ARHGEF28: variants seen among roughly 807,000 people sequenced by gnomAD.
ARHGEF28 encodes the protein Rho guanine nucleotide exchange factor 28.
Under a neutral mutation model 206.6 loss-of-function variants are expected in ARHGEF28, and 152 were observed. That is an observed-to-expected ratio of 0.74 (90% CI 0.64 to 0.84). The LOEUF (loss-of-function observed/expected upper bound fraction) is 0.84. ARHGEF28 is among the 40% of genes least tolerant of loss of function. The pLI is 0.00. For missense variants in ARHGEF28, 2,028 were observed against 2,073.2 expected (o/e 0.98, Z 0.42); for synonymous variants, 763 against 776.4 (o/e 0.98, Z 0.29).
chr5:73,809,120 A>T (rs756187449), intron 9 of ARHGEF28, among the ~76,000 whole-genome samples: 2 of 151,940 alleles, frequency 1.3e-5, no homozygotes, highest in Non-Finnish European at 2.9e-5. Context: ...CAGGAGAATC[A>T]CTGGAGCCTG....
chr5:73,667,877 G>C (rs994866255), intron 1 of ARHGEF28, among the ~76,000 whole-genome samples: 1 of 152,122 alleles, frequency 6.6e-6, no homozygotes. Flanking sequence ...CTTCCACAAA[G>C]TCTTAAGACA....
intron 1 of ARHGEF28, among the ~76,000 whole-genome samples, chr5:73,640,871 A>G (rs1048145417): frequency 1.3e-5 from 2 of 152,242 alleles, no homozygotes; most frequent in Non-Finnish European, 2.9e-5. Flanking sequence ...TAGATTTACT[A>G]TTGCTGTAAA....
intron 26 of ARHGEF28, among the ~76,000 whole-genome samples, chr5:73,888,012 G>A (rs554735101): frequency 1.3e-5 from 2 of 152,256 alleles, no homozygotes; most frequent in African/African-American, 4.8e-5. Context: ...AGCTATCTTG[G>A]TCTTTCCTCC....
At chr5:73,874,358 T>C (rs1760299329) in intron 22 of ARHGEF28, among the ~76,000 whole-genome samples, 1 of 152,162 alleles carries the variant, frequency 6.6e-6, no homozygotes, top group Non-Finnish European at 1.5e-5. Context: ...GTCTAGTTTA[T>C]TTTTCCTTTT....
intron 22 of ARHGEF28, among the ~76,000 whole-genome samples, chr5:73,881,046 T>A (rs1407243967): frequency 6.6e-6 from 1 of 152,100 alleles, no homozygotes; most frequent in East Asian, 1.9e-4. Flanking sequence ...GGTTTTTTTT[T>A]TTTTTGTCTA....
At chr5:73,629,220 G>A (rs559624124) in intron 1 of ARHGEF28, among the ~76,000 whole-genome samples, 1 of 152,054 alleles carries the variant, frequency 6.6e-6, no homozygotes, top group African/African-American at 2.4e-5. Context: ...TGGCCAGGGT[G>A]GGGGTGGTGG....
At chr5:73,877,337 G>A (rs879692712) in intron 22 of ARHGEF28, among the ~76,000 whole-genome samples, 4,668 of 147,730 alleles carry the variant, frequency 0.032, 114 homozygotes, top group Non-Finnish European at 0.046. Context: ...TCTTGCTAGC[G>A]GTCTATCAAT....
chr5:73,653,415 G>A (rs1580444284), intron 1 of ARHGEF28, among the ~76,000 whole-genome samples: 1 of 152,290 alleles, frequency 6.6e-6, no homozygotes, highest in South Asian at 2.1e-4. Flanking sequence ...ATTAGGAAAA[G>A]CAGAAGTTTG....
At chr5:73,885,060 A>G (rs1313383131) in intron 24 of ARHGEF28, among the ~76,000 whole-genome samples, 1 of 152,174 alleles carries the variant, frequency 6.6e-6, no homozygotes, top group Non-Finnish European at 1.5e-5. Flanking sequence ...TATAATAGTA[A>G]TATATTCATA....
chr5:73,822,169 G>A (rs796692296), intron 9 of ARHGEF28, among the ~76,000 whole-genome samples: 11 of 150,984 alleles, frequency 7.3e-5, no homozygotes, highest in African/African-American at 1.2e-4. Context: ...GTGCTTTTCC[G>A]GGGGGAAGGA....
At chr5:73,655,466 A>G (rs1363973531) in intron 1 of ARHGEF28, among the ~76,000 whole-genome samples, 1 of 152,236 alleles carries the variant, frequency 6.6e-6, no homozygotes, top group African/African-American at 2.4e-5. Flanking sequence ...CATGCAAGAG[A>G]ACTCCTGGTA....
rs139882110 is a variant in ARHGEF28, at chr5:73,850,401, AT to A, written c.1747+1315del. On this transcript the variant is annotated intron_variant, in intron 13 of 35. Transcript: ENST00000513042. ...ACCTTGAGAGGGCAGGATAAATAAG[AT>A]GGATTGAATTTGTTCTGGATTTTTG... Among the ~76,000 whole-genome samples, 524 of 152,174 alleles carry A rather than the reference AT, an allele frequency of 3.4e-3. 4 individuals carry two copies. The highest frequency in any genetic ancestry group is 0.012 in the African/African-American group (516 of 41,550).
chr5:73,902,054 G>T (rs1762300662), intron 31 of ARHGEF28: 1 of 152,086 alleles, frequency 6.6e-6, no homozygotes, highest in Non-Finnish European at 1.5e-5. Context: ...GTGCCAATAT[G>T]TGTCAATGTG....
rs758699752 is a variant in ARHGEF28, at chr5:73,897,972, A to G, written c.3852A>G (p.Leu1284=). The part of the protein sequence containing the change: ...LAAALKEAES[L]QVAVKASQMG... ...TTTTCTCCATCTTAGCTGAGAGCCTACAAGTTGCAGTGAAGGCCTCACAGA... is the reference window on the plus strand; with the variant it reads ...TTTTCTCCATCTTAGCTGAGAGCCTGCAAGTTGCAGTGAAGGCCTCACAGA... Residue 1284 remains leucine (L), a synonymous_variant, in exon 30 of 36, where the codon CTA becomes CTG. Coordinates refer to ENST00000513042, the MANE Select transcript of ARHGEF28 (RefSeq NM_001177693.2). 40 of 1,580,354 alleles carry G rather than the reference A, an allele frequency of 2.5e-5. No homozygotes were observed. Among genetic ancestry groups the G allele is most frequent in the Middle Eastern group, 1.7e-4 (1 of 6,024 alleles).
intron 1 of ARHGEF28, chr5:73,627,049 G>T (rs1042578124): frequency 6.6e-6 from 1 of 152,158 alleles, no homozygotes; most frequent in Non-Finnish European, 1.5e-5. Flanking sequence ...GTGCTCAGGC[G>T]GCCCTGGATA....
chr5:73,836,262 A>C (rs1239944414), intron 10 of ARHGEF28, among the ~76,000 whole-genome samples: 1 of 149,216 alleles, frequency 6.7e-6, no homozygotes, highest in Non-Finnish European at 1.5e-5. Flanking sequence ...TTACATTCCC[A>C]ACAGTGTATA....
In ARHGEF28 at chr5:73,752,946, C is replaced by A. The variant is rs1466416854; in HGVS notation, c.219C>A (p.Cys73Ter). The change falls in exon 4 of 36, where the codon TGC becomes TGA. Residue 73 changes from cysteine to a stop codon, truncating the protein, a stop_gained. Transcript: ENST00000513042. LOFTEE classifies it high-confidence loss of function. Reference protein sequence around the residue: ...GLQETVTVSVCLCSEGYSPVT... With the variant: ...GLQETVTVSV Reference sequence around the variant, plus strand: ...AGGAGACGGTGACGGTATCTGTGTGCCTCTGCTCGGAAGGTTACTCTCCGG... The same window carrying A: ...AGGAGACGGTGACGGTATCTGTGTGACTCTGCTCGGAAGGTTACTCTCCGG... 1 of 1,613,844 alleles carries A rather than the reference C, an allele frequency of 6.2e-7. No individual in the cohort carries two copies. The highest frequency in any genetic ancestry group is 8.5e-7 in the Non-Finnish European group (1 of 1,179,844).
At chr5:73,656,655 C>T (rs778209130) in intron 1 of ARHGEF28, among the ~76,000 whole-genome samples, 1 of 152,168 alleles carries the variant, frequency 6.6e-6, no homozygotes, top group Non-Finnish European at 1.5e-5. Flanking sequence ...CTGCCTGTGA[C>T]TATTGTCAGA....
intron 2 of ARHGEF28, among the ~76,000 whole-genome samples, chr5:73,740,260 A>G (rs1212701500): frequency 6.6e-6 from 1 of 152,058 alleles, no homozygotes; most frequent in Non-Finnish European, 1.5e-5. Flanking sequence ...TAGGTCCCCC[A>G]TTTTAAAAAA....
Sources: gnomAD v4.1 joint callset for allele counts (sites outside exome capture counted in the v4.1 genomes callset) on GRCh38, gnomAD v4.1.1 for gene constraint, MANE v1.5 for transcripts, NCBI Gene and HGNC (gene_info 2026-07-23, HGNC 2026-07-21) for gene names.